Variants in MOCOS observed in about 807,000 individuals in gnomAD.
MOCOS encodes the protein molybdenum cofactor sulfurase.
MOCOS carries 86 observed loss-of-function variants against 83.6 expected under a neutral mutation model. That is an observed-to-expected ratio of 1.03 (90% CI 0.86 to 1.23). MOCOS has a LOEUF of 1.23. Among genes scored for constraint, MOCOS ranks in the 50% most tolerant of loss-of-function variants. The pLI is 0.00. For missense variants in MOCOS, 1,120 were observed against 1,126.9 expected, an observed-to-expected ratio of 0.99 and a Z score of 0.09; for synonymous variants, 445 against 434.7, an observed-to-expected ratio of 1.02 and a Z score of -0.29.
intron 4 of MOCOS, among the ~76,000 whole-genome samples, chr18:36,201,190 A>G (rs1270662660): frequency 1.3e-5 from 2 of 152,172 alleles, no homozygotes; most frequent in African/African-American, 4.8e-5. Context: ...TAGATCCCCA[A>G]CAGACCCCAC....
In MOCOS at chr18:36,248,921, G is replaced by A. The variant is rs1412149744; in HGVS notation, c.1961-1G>A. The A allele has an allele frequency of 3.1e-6, 5 of 1,613,258 alleles. No individual in the cohort carries two copies. The highest frequency in any genetic ancestry group is 4.2e-6 in the Non-Finnish European group (5 of 1,179,272). ...ATTTGTTTTTAACCTTTGTTCATTA[G>A]GGATGGAGCCTATAGAGGTGCCTCT... On this transcript the variant is annotated splice_acceptor_variant, in intron 9 of 14. Transcript: ENST00000261326. LOFTEE classifies it high-confidence loss of function.
At chr18:36,223,053 T>C (rs1013740090) in intron 9 of MOCOS, among the ~76,000 whole-genome samples, 3 of 152,252 alleles carry the variant, frequency 2.0e-5, no homozygotes, top group Non-Finnish European at 2.9e-5. Context: ...CTTTTCACTT[T>C]TTTAATTGTT....
At chr18:36,207,036 G>C (rs571594740) in intron 6 of MOCOS, among the ~76,000 whole-genome samples, 83 of 152,198 alleles carry the variant, frequency 5.5e-4, no homozygotes, top group African/African-American at 1.9e-3. Context: ...TGGATTCAAT[G>C]GTAGCTCTGT....
rs115164023 is a variant in MOCOS, at chr18:36,208,817, T to C, written c.1218+3541T>C. Among the ~76,000 whole-genome samples the C allele has an allele frequency of 1.8e-3, 269 of 152,348 alleles. 2 individuals are homozygous for C. The highest frequency in any genetic ancestry group is 6.1e-3 in the African/African-American group (253 of 41,576). ...CTTGCCTAATTGCTGTGGCTAGGAC[T>C]TCCAGTATTATGTTGAAAAGGAGTG... On this transcript the variant is annotated intron_variant, in intron 6 of 14. Coordinates refer to ENST00000261326, the MANE Select transcript of MOCOS (RefSeq NM_017947.4).
rs746148451 is a variant in MOCOS, at chr18:36,268,667, C to A, written c.2649C>A (p.His883Gln). ...ATGATTTACCTGCATCTGAGAAACACCAGGATGTTACCTCCTAAAAAAAAT... is the reference window on the plus strand; with the variant it reads ...ATGATTTACCTGCATCTGAGAAACAACAGGATGTTACCTCCTAAAAAAAAT... ...EGHDLPASEK[H>Q]QDVTS Residue 883 changes from histidine (H) to glutamine (Q), a missense_variant, in exon 15 of 15, where the codon CAC becomes CAA. Physicochemically the swap from His to Gln is conservative, Grantham distance 24 (BLOSUM62 0). Coordinates refer to ENST00000261326, the MANE Select transcript of MOCOS (RefSeq NM_017947.4). 26 of 1,610,630 alleles carry A rather than the reference C, an allele frequency of 1.6e-5. No homozygotes were observed. Among genetic ancestry groups the A allele is most frequent in the Non-Finnish European group, 2.1e-5 (25 of 1,179,528 alleles).
chr18:36,219,680 A>AAAAC (rs557754625), intron 8 of MOCOS, among the ~76,000 whole-genome samples: 154 of 152,288 alleles, frequency 1.0e-3, no homozygotes, highest in Non-Finnish European at 1.6e-3. Flanking sequence ...CTCCATCTTA[A>AAAAC]AAACAAACAA....
chr18:36,244,541 G>T (rs186301722), intron 9 of MOCOS, among the ~76,000 whole-genome samples: 1 of 152,186 alleles, frequency 6.6e-6, no homozygotes, highest in African/African-American at 2.4e-5. Context: ...TTATGGCCAT[G>T]ATATGGTTCA....
At chr18:36,210,775 C>T (rs931823109) in intron 6 of MOCOS, among the ~76,000 whole-genome samples, 30 of 140,970 alleles carry the variant, frequency 2.1e-4, no homozygotes, top group African/African-American at 6.8e-4. Flanking sequence ...CACTTGAACC[C>T]GAGAGGTGGA....
chr18:36,256,871 T>C, intron 11 of MOCOS, 97 bp from the exon 12 acceptor site: 1 of 1,072,534 alleles, frequency 9.3e-7, no homozygotes, highest in Non-Finnish European at 1.5e-6. Context: ...CTTGTAGAAA[T>C]AGTCTCTACC....
chr18:36,189,687 T>TCGTGCTGAATCATGACCACTCAC (rs2144889784), intron 1 of MOCOS: 1 of 152,334 alleles, frequency 6.6e-6, no homozygotes, highest in Admixed American at 6.5e-5. Context: ...CTGGAAGCCT[T>TCGTGCTGAATCATGACCACTCAC]CGTGCTGAAT....
chr18:36,213,366 GTGGACAAAA>G lies in MOCOS; in HGVS notation c.1223_1231del (p.Asp408_Met410del). 6.2e-7 allele frequency: 1 copy of G among 1,613,708 alleles called. No individual in the cohort carries two copies. The highest frequency in any genetic ancestry group is 1.1e-5 in the South Asian group (1 of 91,062). On this transcript the variant is annotated inframe_deletion and splice_region_variant, in exon 7 of 15. Transcript: ENST00000261326. ...ATTCCATGTTACATTAAATCCGCAG[GTGGACAAAA>G]TGGCCAGTCTTTACAACATCCACCT...
chr18:36,255,954 G>C (rs1292745308), intron 11 of MOCOS, among the ~76,000 whole-genome samples: 1 of 147,784 alleles, frequency 6.8e-6, no homozygotes, highest in Admixed American at 6.8e-5. Context: ...GTGCAATAGT[G>C]TGATCTCGGC....
At chr18:36,219,872 G>A (rs1057449715) in intron 8 of MOCOS, among the ~76,000 whole-genome samples, 183 bp from the exon 9 acceptor site, 1 of 152,164 alleles carries the variant, frequency 6.6e-6, no homozygotes, top group Non-Finnish European at 1.5e-5. Context: ...GAGATATCCA[G>A]CTCCTACATC....
rs190343823 is a variant in MOCOS, at chr18:36,255,373, T to C, written c.2165-1595T>C. On this transcript the variant is annotated intron_variant, in intron 11 of 14. Coordinates refer to ENST00000261326, the MANE Select transcript of MOCOS (RefSeq NM_017947.4). Reference sequence around the variant, plus strand: ...GTCTCTTGACAACTTAATTAGGTCCTGCAGTTTTGTGGAGAGCAAATAATT... The same window carrying C: ...GTCTCTTGACAACTTAATTAGGTCCCGCAGTTTTGTGGAGAGCAAATAATT... Among the ~76,000 whole-genome samples the C allele has an allele frequency of 4.5e-4, 69 of 152,354 alleles. 1 individual carries two copies. In the East Asian group the frequency reaches 0.01, roughly 23 times the overall value.
At chr18:36,220,901 C>G (rs1301300899) in intron 9 of MOCOS, among the ~76,000 whole-genome samples, 1 of 148,538 alleles carries the variant, frequency 6.7e-6, no homozygotes, top group Admixed American at 6.8e-5. Context: ...TGCACTCCAG[C>G]TTGGGCAACA....
intron 6 of MOCOS, among the ~76,000 whole-genome samples, chr18:36,211,932 G>A (rs1468580883): frequency 6.6e-6 from 1 of 152,144 alleles, no homozygotes; most frequent in Admixed American, 6.6e-5. Context: ...TTGTTCCCTG[G>A]GACACTAGCT....
At chr18:36,199,654 G>A (rs1452709523) in intron 3 of MOCOS, 29 bp from the exon 4 acceptor site, 13 of 1,612,152 alleles carry the variant, frequency 8.1e-6, no homozygotes, top group South Asian at 2.2e-5. Context: ...TGAGATCCGC[G>A]GGTTGCGGGG....
chr18:36,220,268 T>C, intron 9 of MOCOS, 51 bp downstream of exon 9: 4 of 1,604,354 alleles, frequency 2.5e-6, no homozygotes, highest in Non-Finnish European at 3.4e-6. Context: ...GCAGCTTTTA[T>C]ATTCATATGA....
chr18:36,262,275 A>ACACACACACACACACACACACG (rs1480956436), intron 13 of MOCOS, among the ~76,000 whole-genome samples: 1 of 151,310 alleles, frequency 6.6e-6, no homozygotes, highest in Non-Finnish European at 1.5e-5. Flanking sequence ...ACACACACAC[A>ACACACACACACACACACACACG]CGAAAAATTA....
Sources: allele counts gnomAD v4.1 joint callset (sites outside exome capture counted in the v4.1 genomes callset), GRCh38; gene constraint gnomAD v4.1.1; transcripts MANE v1.5; gene names NCBI Gene and HGNC (gene_info 2026-07-23, HGNC 2026-07-21).